N4BP2L2: variants seen among roughly 807,000 people sequenced by gnomAD.
The protein encoded by N4BP2L2 is NEDD4-binding protein 2-like 2.
Under a neutral mutation model 56.2 loss-of-function variants are expected in N4BP2L2, and 50 were observed. The ratio of observed to expected loss-of-function variants is 0.89; its 90% CI spans 0.71 to 1.13. The LOEUF (loss-of-function observed/expected upper bound fraction) is 1.13. N4BP2L2 is among the 50% of genes most tolerant of loss of function. The probability of loss-of-function intolerance (pLI) is 0.00; values close to 1 mark genes in which losing one functional copy is unlikely to be tolerated. For missense variants in N4BP2L2, 689 were observed against 693.8 expected, an observed-to-expected ratio of 0.99 and a Z score of 0.08; for synonymous variants, 203 against 223.6, an observed-to-expected ratio of 0.91 and a Z score of 0.82.
At chr13:32,515,468 G>T (rs1245347474) in exon 6 of N4BP2L2, 1 of 152,124 alleles carries the variant, frequency 6.6e-6, no homozygotes, top group African/African-American at 2.4e-5. Flanking sequence ...AAGAATGTTA[G>T]CTTTCCAGCC....
chr13:32,447,960 A>G (rs1390727028), intron 6 of N4BP2L2, among the ~76,000 whole-genome samples: 1 of 152,246 alleles, frequency 6.6e-6, no homozygotes, highest in Non-Finnish European at 1.5e-5. Context: ...TTATTAAGGC[A>G]GTTTGCTAAG....
At chr13:32,538,540 T>C in intron 1 of N4BP2L2, 78 bp downstream of exon 1, 1 of 825,504 alleles carries the variant, frequency 1.2e-6, no homozygotes, top group Non-Finnish European at 1.5e-6. Context: ...ACAGCTAATC[T>C]AAACAGTCCA....
intron 6 of N4BP2L2, among the ~76,000 whole-genome samples, chr13:32,457,214 CA>C (rs1732828572): frequency 6.6e-6 from 1 of 152,012 alleles, no homozygotes; most frequent in African/African-American, 2.4e-5. Flanking sequence ...AAAGAATGAA[CA>C]AAACCTACTT....
chr13:32,437,883 A>G (rs938024825), intron 8 of N4BP2L2, among the ~76,000 whole-genome samples: 32 of 152,314 alleles, frequency 2.1e-4, no homozygotes, highest in African/African-American at 7.7e-4. Context: ...GAAAGAAAAC[A>G]TGCCTATATT....
chr13:32,478,113 A>G, intron 6 of N4BP2L2: 1 of 1,226,482 alleles, frequency 8.2e-7, no homozygotes, highest in Non-Finnish European at 1.1e-6. Flanking sequence ...TATGCATTAT[A>G]AAGTAAATAA....
At chr13:32,485,745 G>A (rs1025688963) in intron 6 of N4BP2L2, among the ~76,000 whole-genome samples, 4 of 152,174 alleles carry the variant, frequency 2.6e-5, no homozygotes, top group African/African-American at 9.7e-5. Context: ...ATTCTGTCAT[G>A]ACAGAAATCC....
intron 8 of N4BP2L2, among the ~76,000 whole-genome samples, chr13:32,438,394 A>T (rs555794244): frequency 1.3e-5 from 2 of 152,350 alleles, no homozygotes; most frequent in South Asian, 4.1e-4. Context: ...TTAATCTCAT[A>T]GAAGTAGAGA....
intron 6 of N4BP2L2, among the ~76,000 whole-genome samples, chr13:32,484,483 G>A (rs139956484): frequency 1.1e-4 from 17 of 151,012 alleles, no homozygotes; most frequent in African/African-American, 4.1e-4. Flanking sequence ...TCTAGGGTAG[G>A]TTTTTTTTTC....
chr13:32,510,647 T>A (rs207635), exon 6 of N4BP2L2: 1 of 151,818 alleles, frequency 6.6e-6, no homozygotes, highest in East Asian at 1.9e-4. Flanking sequence ...TACAGGCACA[T>A]GCCACCACGC....
At chr13:32,493,701 T>C (rs2087755008) in intron 6 of N4BP2L2, among the ~76,000 whole-genome samples, 1 of 152,246 alleles carries the variant, frequency 6.6e-6, no homozygotes, top group Non-Finnish European at 1.5e-5. Context: ...CTATTTTTAA[T>C]GTATAAGAAG....
chr13:32,437,932 T>C (rs1352569413), intron 8 of N4BP2L2, among the ~76,000 whole-genome samples: 3 of 152,202 alleles, frequency 2.0e-5, no homozygotes, highest in Non-Finnish European at 1.5e-5. Context: ...TTTTTCTAAT[T>C]TAAGGTATGT....
At chr13:32,510,972 AT>A (rs2048001858) in exon 6 of N4BP2L2, 1 of 151,834 alleles carries the variant, frequency 6.6e-6, no homozygotes, top group African/African-American at 2.4e-5. Context: ...AAAACACCAA[AT>A]TAAAAAAAAA....
chr13:32,455,780 G>A lies in N4BP2L2; in HGVS notation c.366-11654C>T, dbSNP rs74829471. 2.9e-3 allele frequency among the ~76,000 whole-genome samples: 436 copies of A among 152,122 alleles called. 3 individuals carry two copies. Among genetic ancestry groups the A allele is most frequent in the African/African-American group, 9.3e-3 (388 of 41,508 alleles). Reference sequence around the variant, plus strand: ...TGCCCCACCCTATCCACCACTGGCGGGATCTCCGCACTCCTCTTCAGAGTC... The same window carrying A: ...TGCCCCACCCTATCCACCACTGGCGAGATCTCCGCACTCCTCTTCAGAGTC... On this transcript the variant is annotated intron_variant, in intron 6 of 9. Coordinates refer to the N4BP2L2 transcript ENST00000357505.
intron 5 of N4BP2L2, among the ~76,000 whole-genome samples, chr13:32,518,737 T>C (rs1362089608): frequency 1.3e-5 from 2 of 152,198 alleles, no homozygotes; most frequent in African/African-American, 2.4e-5. Flanking sequence ...GGAAGAGGAA[T>C]GCAAAGAGCT....
At chr13:32,486,495 G>T (rs893214367) in intron 6 of N4BP2L2, among the ~76,000 whole-genome samples, 1 of 152,108 alleles carries the variant, frequency 6.6e-6, no homozygotes, top group Non-Finnish European at 1.5e-5. Context: ...GGCCAACATG[G>T]TGAAACCCCA....
At chr13:32,447,476 A>G (rs2077213519) in intron 6 of N4BP2L2, among the ~76,000 whole-genome samples, 1 of 152,212 alleles carries the variant, frequency 6.6e-6, no homozygotes, top group Non-Finnish European at 1.5e-5. Context: ...AATAAGCAAG[A>G]TTTGAAAATA....
At chr13:32,432,937 G>C (rs2075003908) in exon 10 of N4BP2L2, 1 of 152,220 alleles carries the variant, frequency 6.6e-6, no homozygotes. Context: ...CCGTGATCAT[G>C]ATCTTCAGCA....
chr13:32,464,441 C>T (rs1163388213), intron 6 of N4BP2L2, among the ~76,000 whole-genome samples: 1 of 152,106 alleles, frequency 6.6e-6, no homozygotes, highest in Non-Finnish European at 1.5e-5. Flanking sequence ...GTTGTTGCAA[C>T]AGACAAGTGA....
At chr13:32,469,326 C>T (rs1471578461) in intron 6 of N4BP2L2, among the ~76,000 whole-genome samples, 2 of 152,162 alleles carry the variant, frequency 1.3e-5, no homozygotes, top group African/African-American at 4.8e-5. Context: ...TGGCAGTGGA[C>T]AGGTCCCCTG....
Sources: allele counts gnomAD v4.1 joint callset (sites outside exome capture counted in the v4.1 genomes callset), GRCh38; gene constraint gnomAD v4.1.1; transcripts MANE v1.5; gene names NCBI Gene and HGNC (gene_info 2026-07-23, HGNC 2026-07-21).